Variants in SYT17 observed in about 807,000 individuals in gnomAD.
SYT17 encodes synaptotagmin-17.
In SYT17, 22 loss-of-function variants were observed where a neutral mutation model predicts 46.7. The observed-to-expected ratio is 0.47, with a 90% CI of 0.34 to 0.67. The LOEUF (loss-of-function observed/expected upper bound fraction) is 0.67, where lower values mean the gene tolerates loss of function less well. Among genes scored for constraint, SYT17 ranks in the 30% least tolerant of loss-of-function variants. The pLI is 0.01. For missense variants in SYT17, 519 were observed against 612.8 expected, an observed-to-expected ratio of 0.85 and a Z score of 1.62; for synonymous variants, 251 against 248.4, an observed-to-expected ratio of 1.01 and a Z score of -0.10.
chr16:19,203,474 G>A (rs1965547380), intron 5 of SYT17, among the ~76,000 whole-genome samples: 1 of 152,218 alleles, frequency 6.6e-6, no homozygotes, highest in South Asian at 2.1e-4. Flanking sequence ...GTGATAAGAA[G>A]CAAGGTGCTC....
chr16:19,182,416 A>G lies in SYT17; in HGVS notation c.332-1112A>G, dbSNP rs558439707. Among the ~76,000 whole-genome samples, 52 of 152,364 alleles carry G rather than the reference A, an allele frequency of 3.4e-4. No individual in the cohort carries two copies. The East Asian group carries it at 9.6e-3, about 28-fold the overall frequency. On this transcript the variant is annotated intron_variant, in intron 4 of 7. Coordinates refer to ENST00000355377, the MANE Select transcript of SYT17 (RefSeq NM_016524.4). ...ACGATAGAGCAAGACTCTGTCTCAA[A>G]ATAAATAAATAAAATTAAATGAATT...
intron 7 of SYT17, among the ~76,000 whole-genome samples, chr16:19,243,819 CAAA>C (rs760219447): frequency 0.4 from 22,074 of 55,834 alleles, 2,643 homozygotes; most frequent in Middle Eastern, 0.56. Flanking sequence ...AAAACTCCAT[CAAA>C]AAAAAAAAAA....
intron 3 of SYT17, among the ~76,000 whole-genome samples, chr16:19,174,350 G>A (rs1964228884): frequency 6.6e-6 from 1 of 152,192 alleles, no homozygotes; most frequent in African/African-American, 2.4e-5. Flanking sequence ...AGAAGGTCGG[G>A]GCTGGGAAGG....
intron 5 of SYT17, among the ~76,000 whole-genome samples, chr16:19,192,596 G>A (rs1197000164): frequency 1.3e-5 from 2 of 152,084 alleles, no homozygotes; most frequent in Non-Finnish European, 2.9e-5. Flanking sequence ...ATAAGAAAAC[G>A]TTGAGGAGCA....
chr16:19,259,709 A>G (rs1429636111), intron 7 of SYT17, among the ~76,000 whole-genome samples: 1 of 150,266 alleles, frequency 6.7e-6, no homozygotes, highest in Non-Finnish European at 1.5e-5. Context: ...GCCACACTCC[A>G]TATTATACAG....
At chr16:19,195,187 GC>G (rs1158188848) in intron 5 of SYT17, among the ~76,000 whole-genome samples, 1 of 152,124 alleles carries the variant, frequency 6.6e-6, no homozygotes, top group African/African-American at 2.4e-5. Flanking sequence ...TCTGCTAAGT[GC>G]TTTTATTGTG....
intron 4 of SYT17, 144 bp downstream of exon 4, chr16:19,180,683 T>G (rs1964516550): frequency 2.1e-6 from 2 of 946,090 alleles, no homozygotes; most frequent in East Asian, 2.6e-5. Flanking sequence ...GAGAGAGAGA[T>G]AATGACGGTG....
At chr16:19,249,119 A>C (rs1047680202) in intron 7 of SYT17, among the ~76,000 whole-genome samples, 2 of 151,866 alleles carry the variant, frequency 1.3e-5, no homozygotes, top group Non-Finnish European at 2.9e-5. Context: ...CTAAAAATAC[A>C]AAAAATTAGC....
At chr16:19,247,199 G>A (rs906224646) in intron 7 of SYT17, among the ~76,000 whole-genome samples, 13 of 152,126 alleles carry the variant, frequency 8.5e-5, no homozygotes, top group African/African-American at 1.4e-4. Context: ...TATTACGGCC[G>A]TATGATATCC....
At chr16:19,174,271 C>T (rs773514594) in intron 3 of SYT17, among the ~76,000 whole-genome samples, 35 of 152,328 alleles carry the variant, frequency 2.3e-4, no homozygotes, top group Non-Finnish European at 4.3e-4. Context: ...TGAAGCTTCT[C>T]AGCCACGTGC....
intron 7 of SYT17, among the ~76,000 whole-genome samples, chr16:19,232,156 G>A (rs1486723250): frequency 1.3e-5 from 2 of 152,206 alleles, no homozygotes; most frequent in Non-Finnish European, 2.9e-5. Flanking sequence ...ACACCCTGCT[G>A]CCTGCTGCGG....
At chr16:19,246,418 A>G (rs939815034) in intron 7 of SYT17, among the ~76,000 whole-genome samples, 4 of 152,234 alleles carry the variant, frequency 2.6e-5, no homozygotes, top group African/African-American at 7.2e-5. Flanking sequence ...AAAAATGAAT[A>G]TCACTTATAT....
intron 1 of SYT17, among the ~76,000 whole-genome samples, chr16:19,169,040 G>T (rs1360234083): frequency 1.3e-5 from 2 of 151,920 alleles, no homozygotes; most frequent in East Asian, 2.0e-4. Flanking sequence ...GCCAGCTGCC[G>T]TTGCCGTGGT....
intron 7 of SYT17, among the ~76,000 whole-genome samples, chr16:19,227,069 C>G (rs1966522176): frequency 6.6e-6 from 1 of 152,074 alleles, no homozygotes; most frequent in South Asian, 2.1e-4. Context: ...TAGGTTTTCT[C>G]AGCTGTAAAA....
chr16:19,256,691 G>A (rs544638827), intron 7 of SYT17, among the ~76,000 whole-genome samples: 9 of 151,894 alleles, frequency 5.9e-5, no homozygotes, highest in Admixed American at 5.3e-4. Flanking sequence ...CAGTCCTCCC[G>A]CCTCAGCCTC....
intron 1 of SYT17, chr16:19,172,252 T>C: frequency 1.0e-6 from 1 of 979,122 alleles, no homozygotes; most frequent in Non-Finnish European, 1.3e-6. Flanking sequence ...TTGTGGGTGG[T>C]GATAGGAAAC....
At chr16:19,207,213 A>G (rs1021464490) in intron 5 of SYT17, among the ~76,000 whole-genome samples, 1 of 152,192 alleles carries the variant, frequency 6.6e-6, no homozygotes, top group African/African-American at 2.4e-5. Context: ...TGCTGGTGCC[A>G]TGCTTCTTGT....
At chr16:19,265,786 C>G (rs1344162599) in intron 7 of SYT17, among the ~76,000 whole-genome samples, 2 of 152,210 alleles carry the variant, frequency 1.3e-5, no homozygotes, top group Non-Finnish European at 2.9e-5. Context: ...GAAGATAAAT[C>G]AAGTTAACCG....
chr16:19,217,355 C>T (rs1596968098), intron 5 of SYT17, among the ~76,000 whole-genome samples: 1 of 152,152 alleles, frequency 6.6e-6, no homozygotes, highest in East Asian at 1.9e-4. Context: ...GACCCTGTAT[C>T]CATTAAACAG....
Sources: allele counts gnomAD v4.1 joint callset (sites outside exome capture counted in the v4.1 genomes callset), GRCh38; gene constraint gnomAD v4.1.1; transcripts MANE v1.5; gene names NCBI Gene and HGNC (gene_info 2026-07-23, HGNC 2026-07-21).